Variants in SLC28A3 observed in about 807,000 individuals in gnomAD.
SLC28A3 encodes the protein concentrative Na(+)-nucleoside cotransporter 3.
A neutral mutation model predicts 84.2 loss-of-function variants in SLC28A3; 68 were observed. The observed-to-expected ratio is 0.81, with a 90% CI of 0.66 to 0.99. The LOEUF (loss-of-function observed/expected upper bound fraction) is 0.99, where lower values mean the gene tolerates loss of function less well. Ranked by LOEUF, SLC28A3 falls within the 50% of genes least tolerant of loss-of-function variation. The pLI, the probability that SLC28A3 is intolerant of heterozygous loss-of-function variation, is 0.00. For missense variants in SLC28A3, 712 were observed against 841.5 expected (o/e 0.85, Z 1.90); for synonymous variants, 267 against 303.6 (o/e 0.88, Z 1.25).
At position 84,340,675 on chromosome 9, in the gene SLC28A3, G is replaced by A. The variant is rs1827133136; in HGVS notation, c.-42C>T. 1 of 1,612,032 alleles carries A rather than the reference G, an allele frequency of 6.2e-7. No homozygotes were observed. The highest frequency in any genetic ancestry group is 1.3e-5 in the African/African-American group (1 of 74,824). On this transcript the variant is annotated 5_prime_UTR_variant, in exon 1 of 18. Transcript: ENST00000376238. ...GCTGGCTCTGGTCTGGAGGTCCTTTGTACCTGGGAAAAAGCACCAGTCTCT... is the reference window on the plus strand; with the variant it reads ...GCTGGCTCTGGTCTGGAGGTCCTTTATACCTGGGAAAAAGCACCAGTCTCT...
chr9:84,360,217 G>A, the SLC28A3 span, among the ~76,000 whole-genome samples: 2 of 152,080 alleles, frequency 1.3e-5, no homozygotes, highest in South Asian at 4.2e-4. Flanking sequence ...AGGGGAGAAC[G>A]GATATGGTCA....
chr9:84,356,834 A>AAAAT, the SLC28A3 span, among the ~76,000 whole-genome samples: 7 of 152,032 alleles, frequency 4.6e-5, no homozygotes, highest in Non-Finnish European at 1.0e-4. Context: ...CTGTCTCAAA[A>AAAAT]AAATAAATAA....
the SLC28A3 span, among the ~76,000 whole-genome samples, chr9:84,365,889 A>G: frequency 6.6e-6 from 1 of 152,066 alleles, no homozygotes; most frequent in Non-Finnish European, 1.5e-5. Flanking sequence ...TGTCTCTACT[A>G]AAAATACAAA....
chr9:84,278,138 A>C lies in SLC28A3; in HGVS notation c.*80T>G. On this transcript the variant is annotated 3_prime_UTR_variant, in exon 18 of 18. Transcript: ENST00000376238. ...ATTATGGAAGCATCAATCTGTGGAC[A>C]ATAGCTTCTTTTTTTTTTCTTTCCA... The C allele has an allele frequency of 6.6e-7, 1 of 1,519,590 alleles. No individual in the cohort carries two copies. 94.1% of individuals were successfully genotyped at this position (1,519,590 alleles called of 1,614,324 possible). A position where few individuals can be genotyped will look rare whatever the true frequency, so the allele number is the denominator to read the frequency against.
chr9:84,309,138 A>G (rs1825895468), intron 3 of SLC28A3, among the ~76,000 whole-genome samples: 1 of 152,184 alleles, frequency 6.6e-6, no homozygotes, highest in South Asian at 2.1e-4. Flanking sequence ...ATCATCTTAA[A>G]GCTTCATTAA....
intron 1 of SLC28A3, among the ~76,000 whole-genome samples, chr9:84,331,173 G>C (rs866918421): frequency 1.3e-4 from 20 of 152,310 alleles, no homozygotes; most frequent in Middle Eastern, 3.4e-3. Flanking sequence ...CTTGAGGAAA[G>C]AGTAGAGAAT....
Position 84,309,700 on chromosome 9 carries a change from G to A in SLC28A3, c.171C>T (p.Val57=), listed in dbSNP as rs1825925526. ...HTNTKQDEEQ[V]TVEQDSPRNR... is the part of the protein sequence containing the mutation. ...TTCTTGGAGAATCCTGCTCAACTGT[G>A]ACCTGTTCTTCATCCTGGAAATCAA... The change falls in exon 3 of 18, where the codon GTC becomes GTT. Residue 57 remains valine, a synonymous_variant. Coordinates refer to ENST00000376238, the MANE Select transcript of SLC28A3 (RefSeq NM_001199633.2). 6.2e-7 allele frequency: 1 copy of A among 1,613,580 alleles called. No homozygotes were observed. Among genetic ancestry groups the A allele is most frequent in the African/African-American group, 1.3e-5 (1 of 74,844 alleles).
intron 4 of SLC28A3, among the ~76,000 whole-genome samples, chr9:84,303,776 ACTCCACC>A (rs1338437236): frequency 1.3e-5 from 2 of 151,226 alleles, no homozygotes; most frequent in African/African-American, 2.4e-5. Context: ...AGGGCTGAAA[ACTCCACC>A]CTCAGGTCAT....
At chr9:84,352,852 G>A in the SLC28A3 span, among the ~76,000 whole-genome samples, 22 of 126,954 alleles carry the variant, frequency 1.7e-4, no homozygotes, top group African/African-American at 4.7e-4. Context: ...AAGATCGCAC[G>A]ACTGAACTGC....
intron 1 of SLC28A3, among the ~76,000 whole-genome samples, chr9:84,327,109 G>T (rs1033041802): frequency 2.0e-5 from 3 of 152,022 alleles, no homozygotes; most frequent in Non-Finnish European, 4.4e-5. Flanking sequence ...AATTAGGAGG[G>T]CATCTCTCTT....
At chr9:84,332,784 C>T (rs1445231979) in intron 1 of SLC28A3, among the ~76,000 whole-genome samples, 1 of 152,076 alleles carries the variant, frequency 6.6e-6, no homozygotes, top group Non-Finnish European at 1.5e-5. Flanking sequence ...AGACAAGATA[C>T]AGGAAAGAGA....
chr9:84,363,253 C>G, the SLC28A3 span, among the ~76,000 whole-genome samples: 6,657 of 152,162 alleles, frequency 0.044, 203 homozygotes, highest in African/African-American at 0.089. Context: ...AACGAAGGTA[C>G]AGGAGCTTAA....
chr9:84,299,443 C>G (rs1825539354), intron 6 of SLC28A3, 138 bp downstream of exon 6: 2 of 1,082,598 alleles, frequency 1.8e-6, no homozygotes, highest in Non-Finnish European at 2.6e-6. Flanking sequence ...GATAGGGCAC[C>G]CTGGTCACGT....
In SLC28A3 at chr9:84,278,144, T is replaced by C. The variant is rs1824590925; in HGVS notation, c.*74A>G. 3 of 1,534,322 alleles carry C rather than the reference T, an allele frequency of 2.0e-6. No individual in the cohort carries two copies. In the African/African-American group the frequency reaches 4.2e-5, roughly 21 times the overall value. ...GAAGCATCAATCTGTGGACAATAGC[T>C]TCTTTTTTTTTTCTTTCCAAAGCAG... On this transcript the variant is annotated 3_prime_UTR_variant, in exon 18 of 18. Coordinates refer to ENST00000376238, the MANE Select transcript of SLC28A3 (RefSeq NM_001199633.2).
chr9:84,322,015 A>C (rs1470247797), intron 1 of SLC28A3, among the ~76,000 whole-genome samples: 3 of 152,200 alleles, frequency 2.0e-5, no homozygotes, highest in Non-Finnish European at 4.4e-5. Flanking sequence ...ATGCCATTGC[A>C]CTCCAGCCTG....
intron 3 of SLC28A3, among the ~76,000 whole-genome samples, chr9:84,309,334 C>T (rs545842580): frequency 1.3e-4 from 20 of 151,690 alleles, no homozygotes; most frequent in African/African-American, 4.4e-4. Flanking sequence ...ACCAGCCTGG[C>T]CAACATGGTG....
chr9:84,281,503 G>T (rs1177558645), intron 14 of SLC28A3, among the ~76,000 whole-genome samples: 2 of 152,222 alleles, frequency 1.3e-5, no homozygotes, highest in African/African-American at 4.8e-5. Flanking sequence ...ACAAGGATGT[G>T]AAGTGACTAG....
At chr9:84,368,698 C>T in the SLC28A3 span, among the ~76,000 whole-genome samples, 1 of 152,016 alleles carries the variant, frequency 6.6e-6, no homozygotes, top group Non-Finnish European at 1.5e-5. Context: ...TTCCTTCTCT[C>T]CTCAAGAGGA....
rs1235888678 is a variant in SLC28A3, at chr9:84,340,508, A to G, written c.60+66T>C. 5.1e-6 allele frequency: 8 copies of G among 1,556,502 alleles called. No homozygotes were observed. In the East Asian group the frequency reaches 1.6e-4, roughly 31 times the overall value. ...TCCCTGCTTAGGTAAGAAACTTGCC[A>G]AGGGGCTAAGGAAAGGGCAGCTTTT... is the stretch of plus-strand genomic sequence containing the variant. On this transcript the variant is annotated intron_variant, in intron 1 of 17. Coordinates refer to ENST00000376238, the MANE Select transcript of SLC28A3 (RefSeq NM_001199633.2).
Sources: gnomAD v4.1 joint callset for allele counts (sites outside exome capture counted in the v4.1 genomes callset) on GRCh38, gnomAD v4.1.1 for gene constraint, MANE v1.5 for transcripts, NCBI Gene and HGNC (gene_info 2026-07-23, HGNC 2026-07-21) for gene names.